The following LRP5 variants were observed in gnomAD, a reference collection of about 807,000 sequenced individuals.
LRP5 encodes low-density lipoprotein receptor-related protein 5.
LRP5 carries 62 observed loss-of-function variants against 154.1 expected under a neutral mutation model. The ratio of observed to expected loss-of-function variants is 0.40; its 90% confidence interval spans 0.33 to 0.50. The LOEUF (loss-of-function observed/expected upper bound fraction) is 0.50. Among genes scored for constraint, LRP5 ranks in the 20% least tolerant of loss-of-function variants. The pLI is 0.55. For missense variants in LRP5, 1,915 were observed against 2,336.7 expected (o/e 0.82, Z 3.72); for synonymous variants, 966 against 1,011.5 (o/e 0.96, Z 0.85).
At chr11:68,435,464 T>C (rs2098674337) in intron 18 of LRP5, among the ~76,000 whole-genome samples, 1 of 145,514 alleles carries the variant, frequency 6.9e-6, no homozygotes, top group Admixed American at 6.9e-5. Flanking sequence ...GTGCATCACA[T>C]GGTGAGAGAG....
intron 1 of LRP5, among the ~76,000 whole-genome samples, chr11:68,336,131 A>G (rs2098605545): frequency 6.6e-6 from 1 of 152,122 alleles, no homozygotes; most frequent in Admixed American, 6.5e-5. Flanking sequence ...TCTCCACCCA[A>G]AGGAGTCAGA....
chr11:68,389,519 CCAA>C (rs1175226364), intron 6 of LRP5, among the ~76,000 whole-genome samples: 1 of 152,204 alleles, frequency 6.6e-6, no homozygotes, highest in Non-Finnish European at 1.5e-5. Context: ...CCGACATTTA[CCAA>C]CACCAGCATT....
At chr11:68,373,027 A>T (rs1420534681) in intron 5 of LRP5, among the ~76,000 whole-genome samples, 1 of 151,944 alleles carries the variant, frequency 6.6e-6, no homozygotes, top group Non-Finnish European at 1.5e-5. Flanking sequence ...GTGGGGGCCA[A>T]ATCTGTGAGT....
chr11:68,308,035 G>A (rs559802370), upstream of LRP5, among the ~76,000 whole-genome samples: 1 of 152,348 alleles, frequency 6.6e-6, no homozygotes, highest in East Asian at 1.9e-4. Flanking sequence ...GCCCTCCAGA[G>A]CCCAGCACTG....
Position 68,422,018 on chromosome 11 carries a change from C to T in LRP5, c.3028-1471C>T, listed in dbSNP as rs149009583. Among the ~76,000 whole-genome samples the T allele has an allele frequency of 2.9e-3, 439 of 152,256 alleles. 3 individuals are homozygous for T. Among genetic ancestry groups the T allele is most frequent in the Middle Eastern group, 6.8e-3 (2 of 294 alleles). Reference sequence around the variant, plus strand: ...GCATAGCTCACTGCAGCCTCGGCCTCCCAGGCTGAAGCGATCCTCCCACCT... The same window carrying T: ...GCATAGCTCACTGCAGCCTCGGCCTTCCAGGCTGAAGCGATCCTCCCACCT... On this transcript the variant is annotated intron_variant, in intron 13 of 22. Transcript: ENST00000294304.
intron 16 of LRP5, 69 bp from the exon 17 acceptor site, chr11:68,429,506 C>A: frequency 6.2e-7 from 1 of 1,606,046 alleles, no homozygotes; most frequent in Non-Finnish European, 8.5e-7. Flanking sequence ...TTGGCCCCTA[C>A]CCTCCAGGCT....
intron 7 of LRP5, among the ~76,000 whole-genome samples, chr11:68,400,168 C>T (rs1221860816): frequency 6.6e-6 from 1 of 152,092 alleles, no homozygotes; most frequent in East Asian, 1.9e-4. Flanking sequence ...TGGAACAGCC[C>T]GTCGCCTCCT....
Position 68,363,939 on chromosome 11 carries a change from T to C in LRP5, c.879T>C (p.Pro293=). 1.9e-6 allele frequency: 3 copies of C among 1,609,100 alleles called. No individual in the cohort carries two copies. The part of the protein sequence containing the change: ...DIQVLSQERQ[P]FFHTRCEEDN... Reference sequence around the variant, plus strand: ...AGGTGCTGAGCCAGGAGCGGCAGCCTTTCTGTGAGTGCCGGCTGGGGCGCG... The same window carrying C: ...AGGTGCTGAGCCAGGAGCGGCAGCCCTTCTGTGAGTGCCGGCTGGGGCGCG... Residue 293 remains proline, a synonymous_variant, in exon 4 of 23, where the codon CCT becomes CCC. Coordinates refer to ENST00000294304, the MANE Select transcript of LRP5 (RefSeq NM_002335.4).
intron 22 of LRP5, among the ~76,000 whole-genome samples, chr11:68,448,358 A>G (rs576386196): frequency 6.6e-6 from 1 of 152,336 alleles, no homozygotes; most frequent in Admixed American, 6.5e-5. Flanking sequence ...TGTTAGGTGA[A>G]CAGTTGTCCA....
rs748655416 is a variant in LRP5 at position 68,426,165 on chromosome 11, G to A, written c.3615G>A (p.Glu1205=). The change falls in exon 16 of 23, where the codon GAG becomes GAA. Residue 1205 remains glutamate (E), a synonymous_variant. Coordinates refer to ENST00000294304, the MANE Select transcript of LRP5 (RefSeq NM_002335.4). The stretch of plus-strand genomic sequence containing the variant: ...ACCTCACTGGCATCCATGCAGTGGA[G>A]GAAGTCAGCCTGGAGGAGTTCTGTA... ...VAHLTGIHAV[E]EVSLEEFSAH... The A allele has an allele frequency of 6.2e-7, 1 of 1,612,242 alleles. No homozygotes were observed. The highest frequency in any genetic ancestry group is 1.7e-5 in the Admixed American group (1 of 60,022).
At chr11:68,412,579 AGGTTGT>A (rs901482096) in intron 11 of LRP5, among the ~76,000 whole-genome samples, 10 of 151,056 alleles carry the variant, frequency 6.6e-5, no homozygotes, top group African/African-American at 2.4e-4. Flanking sequence ...CAGGAGGTTG[AGGTTGT>A]GGTGAGCTGT....
chr11:68,408,461 T>A (rs902812850), intron 9 of LRP5, among the ~76,000 whole-genome samples: 6 of 151,914 alleles, frequency 3.9e-5, no homozygotes, highest in African/African-American at 9.7e-5. Context: ...GAAAAAAAAA[T>A]ATATATAGGA....
chr11:68,447,581 GTC>G lies in LRP5; in HGVS notation c.4586+1051_4586+1052del, dbSNP rs2098682135. Among the ~76,000 whole-genome samples the G allele has an allele frequency of 6.6e-6, 1 of 152,160 alleles. No homozygotes were observed. The highest frequency in any genetic ancestry group is 6.5e-5 in the Admixed American group (1 of 15,282). On this transcript the variant is annotated intron_variant, in intron 22 of 22. Transcript: ENST00000294304. This position sits in a 1 kb window ranked among gnomAD's most constrained non-coding sequence, Gnocchi z 4.3. ...GGTCACATCCACACTGGGCAGCCCAGTCTCGCTAGTTCCTCGTCCCACCTCCT... is the reference window on the plus strand; with the variant it reads ...GGTCACATCCACACTGGGCAGCCCAGTCGCTAGTTCCTCGTCCCACCTCCT...
At chr11:68,300,464 T>C in the LRP5 span, among the ~76,000 whole-genome samples, 1 of 149,562 alleles carries the variant, frequency 6.7e-6, no homozygotes, top group South Asian at 2.1e-4. Context: ...TCCATTTTGC[T>C]TCAAGTACTG....
intron 14 of LRP5, among the ~76,000 whole-genome samples, chr11:68,424,188 C>T (rs1336810399): frequency 6.6e-6 from 1 of 152,158 alleles, no homozygotes; most frequent in Non-Finnish European, 1.5e-5. Flanking sequence ...GAGACCGAAA[C>T]CCATGTGACA....
chr11:68,446,286 C>T, intron 21 of LRP5, 150 bp from the exon 22 acceptor site: 1 of 685,018 alleles, frequency 1.5e-6, no homozygotes, highest in South Asian at 1.6e-5. Flanking sequence ...CCTCCTGTCC[C>T]CAGGTTTTGC....
At chr11:68,381,804 G>A (rs1181520794) in intron 5 of LRP5, among the ~76,000 whole-genome samples, 1 of 152,214 alleles carries the variant, frequency 6.6e-6, no homozygotes, top group Admixed American at 6.5e-5. Flanking sequence ...TCAGTCCCCT[G>A]CACCTGCCCC....
chr11:68,443,583 A>ATTTTTT (rs1352836968), intron 21 of LRP5, among the ~76,000 whole-genome samples: 1 of 33,064 alleles, frequency 3.0e-5, no homozygotes, highest in Non-Finnish European at 5.5e-5. Context: ...ATATATATAT[A>ATTTTTT]TATTTTTTTT....
chr11:68,432,915 C>T (rs554578836), intron 17 of LRP5, among the ~76,000 whole-genome samples: 353 of 152,356 alleles, frequency 2.3e-3, no homozygotes, highest in Non-Finnish European at 3.9e-3. Flanking sequence ...CATGGTCACA[C>T]GTAGGAAGTG....
Sources: allele counts gnomAD v4.1 joint callset (sites outside exome capture counted in the v4.1 genomes callset), GRCh38; gene constraint gnomAD v4.1.1; non-coding constraint Gnocchi (gnomAD v3.1); transcripts MANE v1.5; gene names NCBI Gene and HGNC (gene_info 2026-07-23, HGNC 2026-07-21).